KLHL29: variants seen among roughly 807,000 people sequenced by gnomAD.
KLHL29 encodes kelch like family member 29.
Under a neutral mutation model 80.4 loss-of-function variants are expected in KLHL29, and 21 were observed. The ratio of observed to expected loss-of-function variants is 0.26; its 90% CI spans 0.19 to 0.38. The LOEUF is 0.38. KLHL29 is among the 10% of genes least tolerant of loss of function. The pLI is 1.00. For synonymous variants in KLHL29, 511 were observed against 526.8 expected (o/e 0.97, Z 0.41); for missense variants, 867 against 1,223.9 (o/e 0.71, Z 4.35).
At chr2:23,660,346 G>C (rs1045531315) in intron 5 of KLHL29, among the ~76,000 whole-genome samples, 1 of 152,152 alleles carries the variant, frequency 6.6e-6, no homozygotes, top group Non-Finnish European at 1.5e-5. Context: ...TTACACAGGT[G>C]CTCTCACCAG....
At chr2:23,387,091 C>A (rs1321092688) in intron 1 of KLHL29, among the ~76,000 whole-genome samples, 1 of 152,144 alleles carries the variant, frequency 6.6e-6, no homozygotes, top group Non-Finnish European at 1.5e-5. Context: ...TCCTCCCTCC[C>A]TCCCGTGCTT....
intron 1 of KLHL29, among the ~76,000 whole-genome samples, chr2:23,424,447 A>G (rs1349763843): frequency 6.6e-6 from 1 of 152,192 alleles, no homozygotes; most frequent in African/African-American, 2.4e-5. Context: ...CTATGCTTTC[A>G]TTTATAACCA....
chr2:23,646,824 C>A (rs144348091), intron 5 of KLHL29, among the ~76,000 whole-genome samples: 8 of 152,340 alleles, frequency 5.3e-5, no homozygotes, highest in Middle Eastern at 6.8e-3. Flanking sequence ...CTGGGACAAG[C>A]CTCCTCACTT....
At chr2:23,451,778 T>C (rs1406015564) in intron 1 of KLHL29, among the ~76,000 whole-genome samples, 1 of 152,210 alleles carries the variant, frequency 6.6e-6, no homozygotes, top group Non-Finnish European at 1.5e-5. Context: ...ACAGGCCTGC[T>C]ATTGGGTAAT....
In KLHL29 at chr2:23,562,899, G is replaced by A. The variant is rs56062922; in HGVS notation, c.285+418G>A. On this transcript the variant is annotated intron_variant, in intron 3 of 13. Transcript: ENST00000486442. The surrounding 1 kb of genome is among the most constrained non-coding windows in gnomAD (Gnocchi z 4.5). ...TGACAAGCAGTAACAGTCATAAAGGGTGATAAACCCACACTTTATTAACCA... is the reference window on the plus strand; with the variant it reads ...TGACAAGCAGTAACAGTCATAAAGGATGATAAACCCACACTTTATTAACCA... 3.2e-3 allele frequency among the ~76,000 whole-genome samples: 491 copies of A among 152,266 alleles called. 2 individuals carry two copies. Among genetic ancestry groups the A allele is most frequent in the African/African-American group, 0.011 (454 of 41,546 alleles).
chr2:23,609,106 A>T (rs995078026), intron 3 of KLHL29, among the ~76,000 whole-genome samples: 10 of 152,014 alleles, frequency 6.6e-5, no homozygotes, highest in South Asian at 6.2e-4. Context: ...TCATTTAGTC[A>T]CTCATTCATT....
At chr2:23,519,083 T>C (rs1222178361) in intron 2 of KLHL29, among the ~76,000 whole-genome samples, 1 of 152,188 alleles carries the variant, frequency 6.6e-6, no homozygotes. Context: ...GACCATGCCC[T>C]GGAATGCACT....
intron 2 of KLHL29, among the ~76,000 whole-genome samples, chr2:23,539,760 G>C (rs563824248): frequency 1.3e-4 from 20 of 152,114 alleles, no homozygotes; most frequent in African/African-American, 4.8e-4. Context: ...ACCTCCTTCT[G>C]ACTCCTTCAT....
At chr2:23,634,386 T>C (rs980724993) in intron 3 of KLHL29, among the ~76,000 whole-genome samples, 7 of 152,172 alleles carry the variant, frequency 4.6e-5, no homozygotes, top group African/African-American at 1.4e-4. Flanking sequence ...CTGGTTGCTG[T>C]GGGGTCCTTT....
chr2:23,470,457 CT>C (rs946364524), intron 1 of KLHL29, among the ~76,000 whole-genome samples: 1 of 152,118 alleles, frequency 6.6e-6, no homozygotes, highest in Non-Finnish European at 1.5e-5. Flanking sequence ...TTTGGACAAC[CT>C]TTTTTTGCCA....
At chr2:23,610,352 C>T (rs1668828090) in intron 3 of KLHL29, among the ~76,000 whole-genome samples, 1 of 152,224 alleles carries the variant, frequency 6.6e-6, no homozygotes, top group South Asian at 2.1e-4. Context: ...TTGTCACTAT[C>T]TGAGTGAGCT....
At chr2:23,628,053 C>T (rs377011925) in intron 3 of KLHL29, among the ~76,000 whole-genome samples, 2 of 151,844 alleles carry the variant, frequency 1.3e-5, no homozygotes, top group African/African-American at 2.4e-5. Context: ...GCTGGGATTA[C>T]AGGTGCCTGC....
At chr2:23,625,214 T>C (rs1435342135) in intron 3 of KLHL29, among the ~76,000 whole-genome samples, 2 of 152,266 alleles carry the variant, frequency 1.3e-5, no homozygotes, top group Non-Finnish European at 1.5e-5. Flanking sequence ...CCACATGGTC[T>C]GTGCTCAGCC....
intron 1 of KLHL29, among the ~76,000 whole-genome samples, chr2:23,462,255 C>G (rs1482926220): frequency 1.3e-5 from 2 of 152,100 alleles, no homozygotes; most frequent in Admixed American, 1.3e-4. Flanking sequence ...TGGCAGAGTT[C>G]TGGCAAAGCA....
At chr2:23,587,091 C>A (rs1227767645) in intron 3 of KLHL29, among the ~76,000 whole-genome samples, 1 of 152,140 alleles carries the variant, frequency 6.6e-6, no homozygotes, top group Non-Finnish European at 1.5e-5. Flanking sequence ...CCTTTCATGT[C>A]GCTCCTTTTA....
intron 2 of KLHL29, among the ~76,000 whole-genome samples, chr2:23,487,234 T>A (rs1005222942): frequency 6.6e-6 from 1 of 152,106 alleles, no homozygotes; most frequent in Non-Finnish European, 1.5e-5. Flanking sequence ...AGGAGGTACT[T>A]CCTAGAGGCC....
intron 2 of KLHL29, among the ~76,000 whole-genome samples, chr2:23,540,885 C>G (rs1666812950): frequency 6.6e-6 from 1 of 152,212 alleles, no homozygotes; most frequent in Admixed American, 6.5e-5. Context: ...GAAGAGAGAC[C>G]TTTGTTTTTG....
chr2:23,607,284 C>G (rs1668752361), intron 3 of KLHL29, among the ~76,000 whole-genome samples: 2 of 152,074 alleles, frequency 1.3e-5, no homozygotes, highest in Admixed American at 6.6e-5. Context: ...TGCACACTGC[C>G]CAGACCACAC....
Position 23,707,018 on chromosome 2 carries a change from A to C in KLHL29, c.*354A>C. On this transcript the variant is annotated 3_prime_UTR_variant, in exon 14 of 14. Transcript: ENST00000486442. The stretch of plus-strand genomic sequence containing the variant: ...GAGCAAGCTTGATCCCTAAACAACC[A>C]TAGATCAGTTATCTTATGACAACAT... 5.6e-6 allele frequency: 1 copy of C among 179,556 alleles called. No individual in the cohort carries two copies. The highest frequency in any genetic ancestry group is 1.2e-5 in the Non-Finnish European group (1 of 86,598). The allele number at this position is 179,556 out of a possible 1,614,324, so 11.1% of individuals were successfully genotyped here. A position where few individuals can be genotyped will look rare whatever the true frequency, so the allele number is the denominator to read the frequency against.
Sources: gnomAD v4.1 joint callset for allele counts (sites outside exome capture counted in the v4.1 genomes callset) on GRCh38, gnomAD v4.1.1 for gene constraint, Gnocchi (gnomAD v3.1) non-coding constraint, MANE v1.5 for transcripts, NCBI Gene and HGNC (gene_info 2026-07-23, HGNC 2026-07-21) for gene names.